The following TACR3 variants were observed in gnomAD, a reference collection of about 807,000 sequenced individuals.
The protein encoded by TACR3 is tachykinin receptor 3.
A neutral mutation model predicts 35.0 loss-of-function variants in TACR3; 34 were observed. The ratio of observed to expected loss-of-function variants is 0.97; its 90% CI spans 0.74 to 1.30. TACR3 has a LOEUF of 1.30. Ranked by LOEUF, TACR3 falls within the 50% of genes most tolerant of loss-of-function variation. The probability of loss-of-function intolerance (pLI) is 0.00; values close to 1 mark genes in which losing one functional copy is unlikely to be tolerated. For missense variants in TACR3, 558 were observed against 591.7 expected (o/e 0.94, Z 0.59); for synonymous variants, 233 against 221.1 (o/e 1.05, Z -0.48).
intron 3 of TACR3, among the ~76,000 whole-genome samples, chr4:103,618,098 A>G (rs890000678): frequency 1.1e-4 from 16 of 152,100 alleles, no homozygotes; most frequent in Admixed American, 5.2e-4. Flanking sequence ...AAATAATTCT[A>G]TTTGTGTTTT....
intron 3 of TACR3, among the ~76,000 whole-genome samples, chr4:103,624,021 T>C (rs1019179612): frequency 1.3e-5 from 2 of 152,232 alleles, no homozygotes; most frequent in African/African-American, 4.8e-5. Context: ...CAGTTTTTAA[T>C]TTCTAATGAG....
intron 3 of TACR3, among the ~76,000 whole-genome samples, chr4:103,600,008 T>A (rs1724154734): frequency 6.6e-6 from 1 of 152,184 alleles, no homozygotes; most frequent in South Asian, 2.1e-4. Context: ...TTCTATTGAT[T>A]GGAATAGTTT....
At chr4:103,639,268 A>G (rs528729868) in intron 3 of TACR3, among the ~76,000 whole-genome samples, 2 of 150,282 alleles carry the variant, frequency 1.3e-5, no homozygotes, top group African/African-American at 5.0e-5. Flanking sequence ...CCATAAAAAA[A>G]TGATGTGTTC....
At chr4:103,716,880 T>C (rs1723103828) in intron 1 of TACR3, among the ~76,000 whole-genome samples, 1 of 152,228 alleles carries the variant, frequency 6.6e-6, no homozygotes, top group Admixed American at 6.5e-5. Flanking sequence ...GGGAAATATA[T>C]ACTGTTTACT....
chr4:103,591,227 A>G (rs1723886490), intron 4 of TACR3: 1 of 471,672 alleles, frequency 2.1e-6, no homozygotes. Context: ...GAGATTTTGG[A>G]GGAAGAAGTT....
chr4:103,664,828 G>T (rs1475544921), intron 1 of TACR3, among the ~76,000 whole-genome samples: 1 of 151,896 alleles, frequency 6.6e-6, no homozygotes, highest in African/African-American at 2.4e-5. Flanking sequence ...TGTTTGTTTG[G>T]TTGATGGGCC....
chr4:103,719,449 T>G lies in TACR3; in HGVS notation c.227A>C (p.Asn76Thr). 6.2e-7 allele frequency: 1 copy of G among 1,614,160 alleles called. No individual in the cohort carries two copies. The highest frequency in any genetic ancestry group is 8.5e-7 in the Non-Finnish European group (1 of 1,180,008). ...APSQPWANLT[N>T]QFVQPSWRIA... ...GCGCCAGGACGGCTGCACGAACTGG[T>G]TGGTGAGGTTGGCCCAGGGCTGGGA... The change falls in exon 1 of 5, where the codon AAC (asparagine) becomes ACC (threonine). Residue 76 changes from asparagine (N) to threonine (T), a missense_variant. Coordinates refer to ENST00000304883, the MANE Select transcript of TACR3 (RefSeq NM_001059.3).
chr4:103,586,483 A>G lies in TACR3; in HGVS notation c.*3199T>C, dbSNP rs563755832. 6.6e-6 allele frequency: 1 copy of G among 152,216 alleles called. No homozygotes were observed. Among genetic ancestry groups the G allele is most frequent in the South Asian group, 2.1e-4 (1 of 4,824 alleles). The allele number at this position is 152,216 out of a possible 1,614,324, so 9.4% of individuals were successfully genotyped here. On this transcript the variant is annotated 3_prime_UTR_variant, in exon 5 of 5. Coordinates refer to ENST00000304883, the MANE Select transcript of TACR3 (RefSeq NM_001059.3). ...CCAGGTACTAATCATAAATTTTTAG[A>G]GGAAATTTTGCATTTGCAAAAACTA...
chr4:103,596,875 G>C (rs1458701210), intron 3 of TACR3, among the ~76,000 whole-genome samples: 1 of 151,760 alleles, frequency 6.6e-6, no homozygotes, highest in Non-Finnish European at 1.5e-5. Flanking sequence ...CCTTGCGATA[G>C]TTTGCTGAGA....
intron 1 of TACR3, among the ~76,000 whole-genome samples, chr4:103,669,582 C>A (rs1258395065): frequency 1.3e-5 from 2 of 151,928 alleles, no homozygotes; most frequent in Non-Finnish European, 2.9e-5. Context: ...ATTTACATTT[C>A]TTTGATGATT....
At chr4:103,607,749 G>A (rs1724415037) in intron 3 of TACR3, among the ~76,000 whole-genome samples, 1 of 152,096 alleles carries the variant, frequency 6.6e-6, no homozygotes, top group East Asian at 1.9e-4. Flanking sequence ...AAGTGGTCTA[G>A]ATTAAGCCCC....
intron 1 of TACR3, among the ~76,000 whole-genome samples, chr4:103,701,055 T>C (rs1452979186): frequency 2.0e-5 from 3 of 151,730 alleles, no homozygotes; most frequent in South Asian, 2.1e-4. Context: ...CCAGGGCAAT[T>C]AGGCAGGAGA....
chr4:103,603,394 C>A (rs978978793), intron 3 of TACR3, among the ~76,000 whole-genome samples: 1 of 152,228 alleles, frequency 6.6e-6, no homozygotes, highest in African/African-American at 2.4e-5. Context: ...GTGCGCTGCA[C>A]CCACTGTCTT....
rs563580504 is a variant in TACR3 at position 103,681,380 on chromosome 4, A to T, written c.549-22977T>A. On this transcript the variant is annotated intron_variant, in intron 1 of 4. Transcript: ENST00000304883. ...TATATCCTTCTTGTTTTGTCATAAC[A>T]TCTCTCATTTATAATTCATTTGAAA... 4.6e-5 allele frequency among the ~76,000 whole-genome samples: 7 copies of T among 152,202 alleles called. No homozygotes were observed. In the East Asian group the frequency reaches 1.4e-3, roughly 29 times the overall value.
chr4:103,713,757 C>T (rs1723024935), intron 1 of TACR3, among the ~76,000 whole-genome samples: 1 of 152,060 alleles, frequency 6.6e-6, no homozygotes, highest in African/African-American at 2.4e-5. Context: ...AAGAAGAAAA[C>T]AGGCCCAGAA....
intron 3 of TACR3, among the ~76,000 whole-genome samples, chr4:103,608,168 T>C (rs571340978): frequency 6.6e-5 from 10 of 152,222 alleles, no homozygotes; most frequent in African/African-American, 2.4e-4. Flanking sequence ...TAGGTGCTCA[T>C]CGATAATAGA....
At chr4:103,629,988 A>G (rs1725022729) in intron 3 of TACR3, among the ~76,000 whole-genome samples, 1 of 152,172 alleles carries the variant, frequency 6.6e-6, no homozygotes, top group Admixed American at 6.5e-5. Context: ...GTACCAAAAC[A>G]GAGATATAGA....
At chr4:103,650,510 A>C (rs540127399) in intron 3 of TACR3, among the ~76,000 whole-genome samples, 152 of 133,054 alleles carry the variant, frequency 1.1e-3, no homozygotes, top group African/African-American at 3.6e-3. Context: ...ATATATATTT[A>C]TATATAAATA....
At chr4:103,604,358 T>A (rs532323420) in intron 3 of TACR3, among the ~76,000 whole-genome samples, 84 of 152,232 alleles carry the variant, frequency 5.5e-4, no homozygotes, top group South Asian at 2.9e-3. Flanking sequence ...TGAAACTGGA[T>A]CCCTTCCTTA....
Sources: gnomAD v4.1 joint callset for allele counts (sites outside exome capture counted in the v4.1 genomes callset) on GRCh38, gnomAD v4.1.1 for gene constraint, MANE v1.5 for transcripts, NCBI Gene and HGNC (gene_info 2026-07-23, HGNC 2026-07-21) for gene names.